Variants in IL6ST observed in about 807,000 individuals in gnomAD.
IL6ST encodes the protein interleukin-6 receptor subunit beta.
IL6ST carries 24 observed loss-of-function variants against 91.3 expected under a neutral mutation model. That is an observed-to-expected ratio of 0.26 (90% confidence interval 0.19 to 0.37). IL6ST has a LOEUF of 0.37. Ranked by LOEUF, IL6ST falls within the 10% of genes least tolerant of loss-of-function variation. IL6ST has a pLI of 1.00. For synonymous variants in IL6ST, 351 were observed against 373.6 expected, an observed-to-expected ratio of 0.94 and a Z score of 0.70; for missense variants, 914 against 1,078.5, an observed-to-expected ratio of 0.85 and a Z score of 2.14.
At chr5:55,952,639 G>T (rs1467272469) in intron 11 of IL6ST, among the ~76,000 whole-genome samples, 1 of 152,150 alleles carries the variant, frequency 6.6e-6, no homozygotes, top group Non-Finnish European at 1.5e-5. Context: ...GGATTTTATA[G>T]AGTCTGACAA....
At position 55,956,164 on chromosome 5, in the gene IL6ST, AT is replaced by A; in HGVS notation, c.1127del (p.His376LeufsTer12). Reference sequence around the variant, plus strand: ...TGGCATTAACTGTGTAATTTTGTAAATGTGATTTCCATCTTGTGAGAGTCAC... The same window carrying A: ...TGGCATTAACTGTGTAATTTTGTAAAGTGATTTCCATCTTGTGAGAGTCAC... The part of the protein sequence containing the change: ...YEVTLTRWKS[H>X]LQNYTVNATK... On this transcript the variant is annotated frameshift_variant, in exon 10 of 17. Transcript: ENST00000381298. LOFTEE classifies it high-confidence loss of function. 6.2e-7 allele frequency: 1 copy of A among 1,612,944 alleles called. No individual in the cohort carries two copies. The highest frequency in any genetic ancestry group is 8.5e-7 in the Non-Finnish European group (1 of 1,178,884).
At chr5:55,952,465 G>T in intron 11 of IL6ST, 114 bp from the exon 12 acceptor site, 1 of 580,944 alleles carries the variant, frequency 1.7e-6, no homozygotes, top group South Asian at 3.0e-5. Flanking sequence ...TTTTAAAACT[G>T]CAGTTTTCTA....
At position 55,941,511 on chromosome 5, in the gene IL6ST, G is replaced by A; in HGVS notation, c.2328C>T (p.Val776=). 1 of 1,614,110 alleles carries A rather than the reference G, an allele frequency of 6.2e-7. No homozygotes were observed. Among genetic ancestry groups the A allele is most frequent in the South Asian group, 1.1e-5 (1 of 91,080 alleles). The change falls in exon 17 of 17, where the codon GTC becomes GTT. Residue 776 remains valine, a synonymous_variant. Coordinates refer to ENST00000381298, the MANE Select transcript of IL6ST (RefSeq NM_002184.4). The part of the protein sequence containing the change: ...GYRHQVPSVQ[V]FSRSESTQPL... ...GCTGGGTAGACTCGGATCTTGAGAA[G>A]ACTTGGACTGACGGAACTTGGTGTC...
chr5:55,956,670 A>AAAGTT (rs1751996492), intron 9 of IL6ST, among the ~76,000 whole-genome samples: 6 of 152,308 alleles, frequency 3.9e-5, no homozygotes, highest in Admixed American at 2.0e-4. Context: ...TTCTTATAGA[A>AAAGTT]CTTATACTTT....
Position 55,964,311 on chromosome 5 carries a change from C to A in IL6ST, c.493G>T (p.Ala165Ser), listed in dbSNP as rs572435166. The stretch of plus-strand genomic sequence containing the variant: ...TTGCAATCAGCAAACTTGTGTGTTG[C>A]CCTAAATACAAAAAATTGAAGAATC... ...ETNFTLKSEWATHKFADCKAK... is the reference protein window; with the variant it reads ...ETNFTLKSEWSTHKFADCKAK... The change falls in exon 6 of 17, where the codon GCA (alanine) becomes TCA (serine). Residue 165 changes from alanine (A) to serine (S), a missense_variant and splice_region_variant. Transcript: ENST00000381298. The A allele has an allele frequency of 1.2e-6, 2 of 1,601,354 alleles. No homozygotes were observed. Among genetic ancestry groups the A allele is most frequent in the Non-Finnish European group, 1.7e-6 (2 of 1,173,794 alleles).
At position 55,968,363 on chromosome 5, in the gene IL6ST, A is replaced by T. The variant is rs767520978; in HGVS notation, c.404T>A (p.Ile135Asn). The change falls in exon 5 of 17, where the codon ATT (isoleucine) becomes AAT (asparagine). Residue 135 changes from isoleucine (I) to asparagine (N), a missense_variant. Physicochemically the swap from Ile to Asn is moderately radical, Grantham distance 149. Coordinates refer to ENST00000381298, the MANE Select transcript of IL6ST (RefSeq NM_002184.4). ...CCTCATTTTCTTCCCCTCGTTCACAATGCAACTCAAATTTTTAGGTTTTTC... is the reference window on the plus strand; with the variant it reads ...CCTCATTTTCTTCCCCTCGTTCACATTGCAACTCAAATTTTTAGGTTTTTC... ...PPEKPKNLSC[I>N]VNEGKKMRCE... 3.1e-6 allele frequency: 5 copies of T among 1,612,034 alleles called. No homozygotes were observed. The highest frequency in any genetic ancestry group is 4.2e-6 in the Non-Finnish European group (5 of 1,179,332).
In IL6ST at chr5:55,954,799, G is replaced by A; in HGVS notation, c.1450+11C>T. 1 of 1,574,908 alleles carries A rather than the reference G, an allele frequency of 6.3e-7. No individual in the cohort carries two copies. The highest frequency in any genetic ancestry group is 8.6e-7 in the Non-Finnish European group (1 of 1,160,822). ...AAGGATATCAATTTAGATGTTTCTA[G>A]CCAGGTATACCTCTTAAATAGGTGC... is the stretch of plus-strand genomic sequence containing the variant. On this transcript the variant is annotated intron_variant, in intron 11 of 16. Coordinates refer to ENST00000381298, the MANE Select transcript of IL6ST (RefSeq NM_002184.4).
chr5:55,941,312 C>T lies in IL6ST; in HGVS notation c.2527G>A (p.Glu843Lys). 6.2e-7 allele frequency: 1 copy of T among 1,614,082 alleles called. No individual in the cohort carries two copies. The highest frequency in any genetic ancestry group is 8.5e-7 in the Non-Finnish European group (1 of 1,179,966). Residue 843 changes from glutamate to lysine, a missense_variant, in exon 17 of 17, where the codon GAA becomes AAA. Transcript: ENST00000381298. ...TGCTGTTTAAGTCTAACAAAATCTT[C>T]CTCATTGACTGATGAAACTTGCTTT... ...RSKQVSSVNE[E>K]DFVRLKQQIS...
intron 8 of IL6ST, among the ~76,000 whole-genome samples, chr5:55,958,931 C>A (rs1006589188): frequency 9.9e-5 from 15 of 151,208 alleles, no homozygotes; most frequent in African/African-American, 2.9e-4. Flanking sequence ...ACAGGCAGAC[C>A]AGGAAGGCTG....
At position 55,968,364 on chromosome 5, in the gene IL6ST, T is replaced by C. The variant is rs200551540; in HGVS notation, c.403A>G (p.Ile135Val). The C allele has an allele frequency of 6.5e-4, 1,046 of 1,612,284 alleles. 12 individuals are homozygous for C. In the South Asian group the frequency reaches 0.011, roughly 17 times the overall value. The change falls in exon 5 of 17, where the codon ATT becomes GTT. Residue 135 changes from isoleucine to valine, a missense_variant. Transcript: ENST00000381298. Reference protein sequence around the residue: ...PPEKPKNLSCIVNEGKKMRCE... With the variant: ...PPEKPKNLSCVVNEGKKMRCE... ...CTCATTTTCTTCCCCTCGTTCACAATGCAACTCAAATTTTTAGGTTTTTCT... is the reference window on the plus strand; with the variant it reads ...CTCATTTTCTTCCCCTCGTTCACAACGCAACTCAAATTTTTAGGTTTTTCT...
chr5:55,985,662 G>A (rs950852441), intron 1 of IL6ST, among the ~76,000 whole-genome samples: 4 of 152,254 alleles, frequency 2.6e-5, no homozygotes, highest in Admixed American at 2.0e-4. Context: ...AGTTCATTTT[G>A]TATATACGGA....
chr5:55,947,614 A>AT, intron 14 of IL6ST, 25 bp from the exon 15 acceptor site: 29 of 1,321,536 alleles, frequency 2.2e-5, no homozygotes, highest in Non-Finnish European at 3.1e-5. Context: ...AAAAAAAAAA[A>AT]AAAGAGGTGT....
chr5:55,949,525 C>A (rs994996970), intron 14 of IL6ST, among the ~76,000 whole-genome samples: 3 of 151,880 alleles, frequency 2.0e-5, no homozygotes, highest in African/African-American at 7.3e-5. Context: ...TGTGTGTGTA[C>A]ACACACACAT....
At chr5:55,971,526 A>G (rs1384004909) in intron 3 of IL6ST, among the ~76,000 whole-genome samples, 2 of 152,218 alleles carry the variant, frequency 1.3e-5, no homozygotes, top group East Asian at 3.8e-4. Context: ...TCTAGCTTCA[A>G]TGTCCACAAT....
intron 1 of IL6ST, among the ~76,000 whole-genome samples, chr5:55,990,651 T>C (rs1469492755): frequency 2.0e-5 from 3 of 152,216 alleles, no homozygotes; most frequent in Admixed American, 1.3e-4. Context: ...TCTTCTTAGA[T>C]ATTCTGTCTC....
chr5:55,972,051 A>G (rs1752997628), intron 3 of IL6ST, among the ~76,000 whole-genome samples: 1 of 152,184 alleles, frequency 6.6e-6, no homozygotes, highest in African/African-American at 2.4e-5. Context: ...GTCAGACCTT[A>G]CAATTCCCTA....
At position 55,935,542 on chromosome 5, in the gene IL6ST, C is replaced by T. The variant is rs77610838; in HGVS notation, c.*5540G>A. 6,114 of 216,526 alleles carry T rather than the reference C, an allele frequency of 0.028. 183 individuals are homozygous for T. The highest frequency in any genetic ancestry group is 0.086 in the African/African-American group (3,823 of 44,440). The allele number at this position is 216,526 out of a possible 1,614,324, so 13.4% of individuals were successfully genotyped here. A position where few individuals can be genotyped will look rare whatever the true frequency, so the allele number is the denominator to read the frequency against. ...TACTAAGTTGTCCAAGAGCCAACCC[C>T]GATCAGCAGCAACAGGACTCAAGCT... On this transcript the variant is annotated 3_prime_UTR_variant, in exon 17 of 17. Coordinates refer to ENST00000381298, the MANE Select transcript of IL6ST (RefSeq NM_002184.4).
At position 55,935,739 on chromosome 5, in the gene IL6ST, G is replaced by C. The variant is rs1172902607; in HGVS notation, c.*5343C>G. On this transcript the variant is annotated 3_prime_UTR_variant, in exon 17 of 17. Coordinates refer to ENST00000381298, the MANE Select transcript of IL6ST (RefSeq NM_002184.4). ...GTAATATATTTCGTATTTTGAAAGT[G>C]TAGAAGTTTGTATTAATTTAAAAAG... is the stretch of plus-strand genomic sequence containing the variant. The C allele has an allele frequency of 4.6e-6, 1 of 217,240 alleles. No homozygotes were observed. Among genetic ancestry groups the C allele is most frequent in the Non-Finnish European group, 9.3e-6 (1 of 108,066 alleles). The allele number at this position is 217,240 out of a possible 1,614,324, so 13.5% of individuals were successfully genotyped here.
intron 5 of IL6ST, among the ~76,000 whole-genome samples, chr5:55,965,345 G>T (rs911509203): frequency 6.6e-6 from 1 of 152,160 alleles, no homozygotes; most frequent in Non-Finnish European, 1.5e-5. Flanking sequence ...TCATAAGAAA[G>T]AAGATGTAGA....
Sources: gnomAD v4.1 joint callset for allele counts (sites outside exome capture counted in the v4.1 genomes callset) on GRCh38, gnomAD v4.1.1 for gene constraint, MANE v1.5 for transcripts, NCBI Gene and HGNC (gene_info 2026-07-23, HGNC 2026-07-21) for gene names.